Variants in LRRC4C observed in about 807,000 individuals in gnomAD.
LRRC4C encodes leucine-rich repeat-containing protein 4C.
Under a neutral mutation model 33.6 loss-of-function variants are expected in LRRC4C, and 5 were observed. That is an observed-to-expected ratio of 0.15 (90% CI 0.08 to 0.31). LRRC4C has a LOEUF of 0.31. Among genes scored for constraint, LRRC4C ranks in the 10% least tolerant of loss-of-function variants. The probability of loss-of-function intolerance (pLI) is 1.00; values close to 1 mark genes in which losing one functional copy is unlikely to be tolerated. For missense variants in LRRC4C, 560 were observed against 796.7 expected (o/e 0.70, Z 3.58); for synonymous variants, 329 against 302.0 (o/e 1.09, Z -0.93).
chr11:41,065,106 T>C (rs1222131067), intron 1 of LRRC4C, among the ~76,000 whole-genome samples: 1 of 114,746 alleles, frequency 8.7e-6, no homozygotes, highest in African/African-American at 3.2e-5. Flanking sequence ...CAAGTGGTCT[T>C]GTTCAGTGGA....
intron 1 of LRRC4C, among the ~76,000 whole-genome samples, chr11:41,211,130 C>A (rs370681479): frequency 1.1e-4 from 17 of 151,888 alleles, no homozygotes; most frequent in Admixed American, 1.1e-3. Context: ...GAGTTGGGGC[C>A]CCCTGGTTTA....
At chr11:40,289,914 C>G (rs374822460) in intron 4 of LRRC4C, among the ~76,000 whole-genome samples, 1 of 152,206 alleles carries the variant, frequency 6.6e-6, no homozygotes, top group East Asian at 1.9e-4. Context: ...CCCTTTCTCT[C>G]TCTTAGGAAA....
At chr11:40,871,198 T>C (rs1954623913) in intron 2 of LRRC4C, among the ~76,000 whole-genome samples, 1 of 152,140 alleles carries the variant, frequency 6.6e-6, no homozygotes. Flanking sequence ...CATTAGCAAT[T>C]TTAATTTTGC....
chr11:41,147,686 C>A (rs1043456749), intron 1 of LRRC4C, among the ~76,000 whole-genome samples: 1 of 152,174 alleles, frequency 6.6e-6, no homozygotes, highest in Non-Finnish European at 1.5e-5. Context: ...ACCTAAACAT[C>A]ATGGCTTTGT....
At chr11:41,193,456 C>T (rs917308662) in intron 1 of LRRC4C, among the ~76,000 whole-genome samples, 5 of 152,064 alleles carry the variant, frequency 3.3e-5, no homozygotes, top group Non-Finnish European at 7.4e-5. Context: ...AAATGCTACA[C>T]CATTGATGAT....
intron 1 of LRRC4C, among the ~76,000 whole-genome samples, chr11:41,036,956 A>G (rs922311850): frequency 2.0e-5 from 3 of 152,202 alleles, no homozygotes; most frequent in Admixed American, 1.3e-4. Context: ...TTATAGACTT[A>G]TAAGATAGCT....
chr11:40,216,173 G>A (rs1018363439), intron 5 of LRRC4C, among the ~76,000 whole-genome samples: 1 of 152,102 alleles, frequency 6.6e-6, no homozygotes, highest in Non-Finnish European at 1.5e-5. Flanking sequence ...ATCTTGGAGT[G>A]TTGCTCTCAT....
chr11:40,749,034 A>G (rs781518078), intron 2 of LRRC4C, among the ~76,000 whole-genome samples: 4 of 152,136 alleles, frequency 2.6e-5, no homozygotes, highest in Non-Finnish European at 5.9e-5. Flanking sequence ...CAATGGAATG[A>G]TTGTAGGAGA....
chr11:40,581,246 C>T (rs764377600), intron 3 of LRRC4C, among the ~76,000 whole-genome samples: 1 of 152,172 alleles, frequency 6.6e-6, no homozygotes, highest in East Asian at 1.9e-4. Context: ...CTCAGTACAA[C>T]GCTGTGGTAA....
In LRRC4C at chr11:40,698,179, A is replaced by G. The variant is rs73469395; in HGVS notation, c.-406-49901T>C. ...TAATATCAAAACAAATGAACATTTAAAAATTGCTTTTTCATATGGTTATGC... is the reference window on the plus strand; with the variant it reads ...TAATATCAAAACAAATGAACATTTAGAAATTGCTTTTTCATATGGTTATGC... On this transcript the variant is annotated intron_variant, in intron 2 of 6. Coordinates refer to ENST00000528697, the MANE Select transcript of LRRC4C (RefSeq NM_001258419.2). Among the ~76,000 whole-genome samples, 1,020 of 152,298 alleles carry G rather than the reference A, an allele frequency of 6.7e-3. 11 individuals are homozygous for G. The highest frequency in any genetic ancestry group is 0.024 in the African/African-American group (989 of 41,576).
chr11:40,717,854 T>C (rs1946810104), intron 2 of LRRC4C, among the ~76,000 whole-genome samples: 1 of 152,196 alleles, frequency 6.6e-6, no homozygotes, highest in Non-Finnish European at 1.5e-5. Context: ...ACATAAAGTA[T>C]GAAGATATGT....
intron 1 of LRRC4C, among the ~76,000 whole-genome samples, chr11:41,042,714 A>G (rs1443188467): frequency 6.6e-6 from 1 of 152,204 alleles, no homozygotes; most frequent in East Asian, 1.9e-4. Flanking sequence ...TCGCAGTTGC[A>G]TGATGATCTA....
intron 1 of LRRC4C, among the ~76,000 whole-genome samples, chr11:41,428,802 A>G (rs1955132791): frequency 6.6e-6 from 1 of 152,140 alleles, no homozygotes; most frequent in Admixed American, 6.6e-5. Flanking sequence ...GACATTGAAT[A>G]CACTAGCTTG....
At chr11:40,597,662 A>G (rs7121049) in intron 3 of LRRC4C, among the ~76,000 whole-genome samples, 92,648 of 151,994 alleles carry the variant, frequency 0.61, 28,507 homozygotes, top group South Asian at 0.67. Flanking sequence ...TATTAAAAGA[A>G]TACGGTGGAA....
At chr11:41,434,685 G>A (rs554923068) in intron 1 of LRRC4C, among the ~76,000 whole-genome samples, 85 of 152,264 alleles carry the variant, frequency 5.6e-4, no homozygotes, top group Non-Finnish European at 1.1e-3. Flanking sequence ...AGCAAGAAGT[G>A]CACCTTTCTC....
intron 4 of LRRC4C, among the ~76,000 whole-genome samples, chr11:40,246,647 T>A (rs1866362802): frequency 1.3e-5 from 2 of 152,250 alleles, no homozygotes; most frequent in South Asian, 4.1e-4. Flanking sequence ...TATCTTCTGT[T>A]TTTTTTAATA....
intron 1 of LRRC4C, among the ~76,000 whole-genome samples, chr11:40,976,847 T>C (rs954658584): frequency 6.6e-6 from 1 of 152,210 alleles, no homozygotes; most frequent in African/African-American, 2.4e-5. Flanking sequence ...AGGCAATTTT[T>C]TTCCACAGAC....
intron 3 of LRRC4C, among the ~76,000 whole-genome samples, chr11:40,535,358 G>C (rs181726592): frequency 5.8e-4 from 89 of 152,284 alleles, no homozygotes; most frequent in African/African-American, 2.1e-3. Context: ...AAATAGGTTA[G>C]AGAGACACAT....
intron 2 of LRRC4C, among the ~76,000 whole-genome samples, chr11:40,713,966 C>T (rs1479888109): frequency 2.0e-5 from 3 of 152,174 alleles, no homozygotes; most frequent in Admixed American, 1.3e-4. Context: ...AACCTCATAG[C>T]TCATTCACAA....
Sources: allele counts gnomAD v4.1 joint callset (sites outside exome capture counted in the v4.1 genomes callset), GRCh38; gene constraint gnomAD v4.1.1; transcripts MANE v1.5; gene names NCBI Gene and HGNC (gene_info 2026-07-23, HGNC 2026-07-21).